Variants in PCDHGA3 observed in about 807,000 individuals in gnomAD.
The protein encoded by PCDHGA3 is protocadherin gamma subfamily A, 3, also known as protocadherin gamma-A3.
A neutral mutation model predicts 58.5 loss-of-function variants in PCDHGA3; 40 were observed. That is an observed-to-expected ratio of 0.68 (90% CI 0.53 to 0.89). The LOEUF (loss-of-function observed/expected upper bound fraction) is 0.89. Ranked by LOEUF, PCDHGA3 falls within the 40% of genes least tolerant of loss-of-function variation. The probability of loss-of-function intolerance (pLI) is 0.00; values close to 1 mark genes in which losing one functional copy is unlikely to be tolerated. For missense variants in PCDHGA3, 1,223 were observed against 1,195.9 expected, an observed-to-expected ratio of 1.02 and a Z score of -0.33; for synonymous variants, 530 against 525.7, an observed-to-expected ratio of 1.01 and a Z score of -0.11.
intron 1 of PCDHGA3, among the ~76,000 whole-genome samples, chr5:141,456,668 T>G (rs2098874996): frequency 1.3e-5 from 2 of 152,254 alleles, no homozygotes; most frequent in Admixed American, 6.5e-5. Context: ...ATGTTTCATT[T>G]AAAAATGCAT....
intron 1 of PCDHGA3, among the ~76,000 whole-genome samples, chr5:141,348,872 G>C (rs1378126048): frequency 4.6e-5 from 7 of 152,130 alleles, no homozygotes; most frequent in Admixed American, 4.6e-4. Context: ...ATAAATTGTT[G>C]AGTTGGATCT....
In PCDHGA3 at chr5:141,421,238, G is replaced by C. The variant is rs920128735; in HGVS notation, c.2425-73569G>C. 3.1e-6 allele frequency: 5 copies of C among 1,597,422 alleles called. No individual in the cohort carries two copies. Among genetic ancestry groups the C allele is most frequent in the African/African-American group, 2.7e-5 (2 of 74,378 alleles). ...GGCTTAGAGCCTGCCATGGCGAATC[G>C]GCTACAGCGCGGGGACCGCAGTCGG... On this transcript the variant is annotated intron_variant, in intron 1 of 3. Transcript: ENST00000253812.
chr5:141,361,660 G>A (rs768286784), intron 1 of PCDHGA3: 5 of 1,613,636 alleles, frequency 3.1e-6, no homozygotes, highest in East Asian at 4.5e-5. Context: ...GTCCGTGAGC[G>A]CGCAGAGCGG....
chr5:141,494,778 C>CA, intron 1 of PCDHGA3, 29 bp from the exon 2 acceptor site: 1 of 1,614,086 alleles, frequency 6.2e-7, no homozygotes, highest in Non-Finnish European at 8.5e-7. Context: ...CACGGGTACT[C>CA]AGCCCCTTTC....
intron 1 of PCDHGA3, among the ~76,000 whole-genome samples, chr5:141,455,045 C>G (rs1008259013): frequency 6.6e-6 from 1 of 151,798 alleles, no homozygotes; most frequent in Non-Finnish European, 1.5e-5. Context: ...ATCTCCTGAC[C>G]TCGTGATCCG....
At chr5:141,399,987 A>T in intron 1 of PCDHGA3, 1 of 1,612,224 alleles carries the variant, frequency 6.2e-7, no homozygotes, top group Non-Finnish European at 8.5e-7. Flanking sequence ...TGCGCACAGG[A>T]GAGGTGCGCA....
Position 141,432,483 on chromosome 5 carries a change from T to C in PCDHGA3, c.2425-62324T>C, listed in dbSNP as rs776090923. The C allele has an allele frequency of 6.2e-7, 1 of 1,614,136 alleles. No homozygotes were observed. The highest frequency in any genetic ancestry group is 1.1e-5 in the South Asian group (1 of 91,078). ...CTCCCCACGGACGGTTCCACTGGCG[T>C]GGAGCTGGCTCCCCGCTCCGCAGAG... On this transcript the variant is annotated intron_variant, in intron 1 of 3. Coordinates refer to ENST00000253812, the MANE Select transcript of PCDHGA3 (RefSeq NM_018916.4). The surrounding 1 kb of genome is among the most constrained non-coding windows in gnomAD (Gnocchi z 6.0).
intron 1 of PCDHGA3, chr5:141,376,564 A>T: frequency 1.2e-6 from 2 of 1,607,478 alleles, no homozygotes; most frequent in East Asian, 4.5e-5. Flanking sequence ...CAACCCAACT[A>T]ATCAGACAGG....
intron 1 of PCDHGA3, chr5:141,399,982 A>C: frequency 6.2e-7 from 1 of 1,612,330 alleles, no homozygotes; most frequent in Non-Finnish European, 8.5e-7. Context: ...GGGGCTGCGC[A>C]CAGGAGAGGT....
At chr5:141,510,304 A>G (rs1030803209) in intron 3 of PCDHGA3, among the ~76,000 whole-genome samples, 1 of 151,732 alleles carries the variant, frequency 6.6e-6, no homozygotes, top group Non-Finnish European at 1.5e-5. Context: ...CTGTTTTGAA[A>G]TGGAGGCTTG....
rs200580042 is a variant in PCDHGA3 at position 141,486,553 on chromosome 5, T to C, written c.2425-8254T>C. 5.4e-5 allele frequency: 87 copies of C among 1,614,028 alleles called. No individual in the cohort carries two copies. The highest frequency in any genetic ancestry group is 7.2e-5 in the Non-Finnish European group (85 of 1,180,046). On this transcript the variant is annotated intron_variant, in intron 1 of 3. Coordinates refer to ENST00000253812, the MANE Select transcript of PCDHGA3 (RefSeq NM_018916.4). The surrounding 1 kb of genome is among the most constrained non-coding windows in gnomAD (Gnocchi z 5.0). ...CACCCTCTTTCTTTCAGAGGTCACA[T>C]GAGGTGTTTGTTCCTGAGAACAATC...
intron 1 of PCDHGA3, among the ~76,000 whole-genome samples, chr5:141,405,825 A>G (rs184785482): frequency 1.1e-3 from 172 of 152,272 alleles, no homozygotes; most frequent in Non-Finnish European, 1.9e-3. Context: ...TCTGTACTTA[A>G]GGTAGTATAA....
Position 141,362,044 on chromosome 5 carries a change from G to C in PCDHGA3, c.2424+15587G>C, listed in dbSNP as rs571731822. On this transcript the variant is annotated intron_variant, in intron 1 of 3. Coordinates refer to ENST00000253812, the MANE Select transcript of PCDHGA3 (RefSeq NM_018916.4). ...AGCGCGTGCCTTGGGCGACAGGGAC[G>C]CGGCCCGCCAGCGCCTGCTGGTCGC... 46 of 1,610,576 alleles carry C rather than the reference G, an allele frequency of 2.9e-5. No homozygotes were observed. The East Asian group carries it at 9.8e-4, about 34-fold the overall frequency.
At chr5:141,483,648 TTGTGTGTGTG>T (rs111458813) in intron 1 of PCDHGA3, among the ~76,000 whole-genome samples, 35 of 149,708 alleles carry the variant, frequency 2.3e-4, no homozygotes, top group Non-Finnish European at 4.6e-4. Flanking sequence ...GGGTGTGTGT[TTGTGTGTGTG>T]TGTGTGTGTG....
At chr5:141,439,934 G>T (rs1477526863) in intron 1 of PCDHGA3, 2 of 152,382 alleles carry the variant, frequency 1.3e-5, no homozygotes, top group Admixed American at 1.3e-4. Context: ...ATCCTGCTGG[G>T]CATTCTCTAT....
chr5:141,384,614 C>T, intron 1 of PCDHGA3: 1 of 1,614,222 alleles, frequency 6.2e-7, no homozygotes, highest in Non-Finnish European at 8.5e-7. Context: ...ACAGATGGTT[C>T]TACTGGCATG....
chr5:141,474,986 A>G (rs1328341214), intron 1 of PCDHGA3, among the ~76,000 whole-genome samples: 1 of 152,238 alleles, frequency 6.6e-6, no homozygotes, highest in Non-Finnish European at 1.5e-5. Context: ...GTTTGGTGAC[A>G]ACAATTCTAA....
intron 1 of PCDHGA3, chr5:141,442,134 AG>A (rs1365375748): frequency 6.1e-6 from 1 of 163,744 alleles, no homozygotes; most frequent in African/African-American, 2.4e-5. Context: ...AGCCTGCAGG[AG>A]ACTCTGCCAG....
At chr5:141,362,547 T>G (rs1392126264) in intron 1 of PCDHGA3, 19 of 1,613,406 alleles carry the variant, frequency 1.2e-5, no homozygotes, top group Admixed American at 1.7e-5. Flanking sequence ...CCTCAGATAC[T>G]ATTTTGAAGG....
Sources: gnomAD v4.1 joint callset for allele counts (sites outside exome capture counted in the v4.1 genomes callset) on GRCh38, gnomAD v4.1.1 for gene constraint, Gnocchi (gnomAD v3.1) non-coding constraint, MANE v1.5 for transcripts, NCBI Gene and HGNC (gene_info 2026-07-23, HGNC 2026-07-21) for gene names.